Variants in SEPTIN7 observed in about 807,000 individuals in gnomAD.
SEPTIN7 encodes the protein septin-7.
Under a neutral mutation model 63.3 loss-of-function variants are expected in SEPTIN7, and 10 were observed. That is an observed-to-expected ratio of 0.16 (90% confidence interval 0.10 to 0.27). The LOEUF (loss-of-function observed/expected upper bound fraction) is 0.27, where lower values mean the gene tolerates loss of function less well. Ranked by LOEUF, SEPTIN7 falls within the 10% of genes least tolerant of loss-of-function variation. The pLI is 1.00. For synonymous variants in SEPTIN7, 131 were observed against 165.3 expected, an observed-to-expected ratio of 0.79 and a Z score of 1.59; for missense variants, 310 against 521.0, an observed-to-expected ratio of 0.59 and a Z score of 3.94.
chr7:35,820,810 C>T (rs1789366464), intron 1 of SEPTIN7, among the ~76,000 whole-genome samples: 4 of 152,108 alleles, frequency 2.6e-5, no homozygotes, highest in Non-Finnish European at 4.4e-5. Flanking sequence ...TTAAATATTT[C>T]AAATAATACA....
chr7:35,831,424 G>C (rs150323762), intron 1 of SEPTIN7, 68 bp from the exon 2 acceptor site: 16 of 417,680 alleles, frequency 3.8e-5, no homozygotes, highest in African/African-American at 3.0e-4. Context: ...TTTGTTTACT[G>C]TTCCTCTGTG....
intron 5 of SEPTIN7, 114 bp from the exon 6 acceptor site, chr7:35,873,527 T>G: frequency 1.1e-6 from 1 of 933,834 alleles, no homozygotes. Flanking sequence ...TTGACATATC[T>G]TCTACTGGTA....
chr7:35,912,060 C>T (rs1197658408), downstream of SEPTIN7, among the ~76,000 whole-genome samples: 1 of 152,146 alleles, frequency 6.6e-6, no homozygotes, highest in Non-Finnish European at 1.5e-5. Context: ...AGAAGTAGCT[C>T]ACCGTGACAA....
At chr7:35,866,597 TAAAG>T (rs1785818007) in intron 4 of SEPTIN7, among the ~76,000 whole-genome samples, 3 of 152,210 alleles carry the variant, frequency 2.0e-5, no homozygotes, top group Admixed American at 1.3e-4. Context: ...ACTTGTATCT[TAAAG>T]GAGATATTCA....
At chr7:35,882,382 A>T (rs1476508165) in intron 7 of SEPTIN7, 102 bp from the exon 8 acceptor site, 2 of 834,654 alleles carry the variant, frequency 2.4e-6, no homozygotes, top group Non-Finnish European at 3.2e-6. Flanking sequence ...AAGGATCTGG[A>T]ACCAAGGACC....
At chr7:35,825,290 C>T (rs1463986642) in intron 1 of SEPTIN7, among the ~76,000 whole-genome samples, 1 of 152,188 alleles carries the variant, frequency 6.6e-6, no homozygotes, top group African/African-American at 2.4e-5. Flanking sequence ...CCTTCCTCAT[C>T]TGACTTTTGC....
At chr7:35,877,498 A>C (rs1418128366) in intron 6 of SEPTIN7, among the ~76,000 whole-genome samples, 1 of 152,174 alleles carries the variant, frequency 6.6e-6, no homozygotes, top group Non-Finnish European at 1.5e-5. Context: ...AGTCAATTCA[A>C]TTATTAGTAT....
chr7:35,898,750 T>C (rs1788112887), intron 12 of SEPTIN7: 2 of 159,516 alleles, frequency 1.3e-5, no homozygotes, highest in Non-Finnish European at 2.7e-5. Context: ...ACACAAACTG[T>C]GTTAGGATAA....
rs565846537 is a variant in SEPTIN7 at position 35,898,237 on chromosome 7, A to G, written c.999-11A>G. 27 of 1,529,598 alleles carry G rather than the reference A, an allele frequency of 1.8e-5. No individual in the cohort carries two copies. The Admixed American group carries it at 4.3e-4, about 24-fold the overall frequency. The allele number at this position is 1,529,598 out of a possible 1,614,324, so 94.8% of individuals were successfully genotyped here. ...CAGACATTTAATGATTACCCTTAAT[A>G]TTCGTGACAGGAGCCCTCTGGCACA... On this transcript the variant is annotated splice_polypyrimidine_tract_variant and intron_variant, in intron 11 of 13. Transcript: ENST00000350320.
chr7:35,848,715 C>T (rs1310359883), intron 3 of SEPTIN7, among the ~76,000 whole-genome samples: 1 of 152,120 alleles, frequency 6.6e-6, no homozygotes, highest in African/African-American at 2.4e-5. Context: ...CTAGGTCAGG[C>T]AGTATCTTTT....
chr7:35,866,640 G>A (rs969199128), intron 4 of SEPTIN7, among the ~76,000 whole-genome samples: 1 of 152,196 alleles, frequency 6.6e-6, no homozygotes, highest in African/African-American at 2.4e-5. Flanking sequence ...GAAGGAATGG[G>A]AAGCTGTGTA....
intron 1 of SEPTIN7, among the ~76,000 whole-genome samples, chr7:35,811,203 A>G (rs1471728520): frequency 6.6e-6 from 1 of 152,070 alleles, no homozygotes; most frequent in Non-Finnish European, 1.5e-5. Context: ...AGTTCTTTCC[A>G]TTTATATATT....
chr7:35,804,271 T>A (rs1788186545), intron 1 of SEPTIN7, among the ~76,000 whole-genome samples: 1 of 152,188 alleles, frequency 6.6e-6, no homozygotes, highest in Admixed American at 6.5e-5. Flanking sequence ...AAGAAAAGGG[T>A]AGCATTCGGT....
At chr7:35,883,096 T>C (rs1046988623) in intron 8 of SEPTIN7, among the ~76,000 whole-genome samples, 20 of 152,114 alleles carry the variant, frequency 1.3e-4, no homozygotes, top group Non-Finnish European at 2.5e-4. Context: ...TTGATAAATA[T>C]GCTAATTACC....
intron 1 of SEPTIN7, among the ~76,000 whole-genome samples, chr7:35,803,720 T>C (rs1788147909): frequency 6.6e-6 from 1 of 152,240 alleles, no homozygotes; most frequent in Non-Finnish European, 1.5e-5. Context: ...ACAAAACTTT[T>C]TGTATACTTC....
chr7:35,845,726 G>A (rs1784626704), intron 3 of SEPTIN7, among the ~76,000 whole-genome samples: 2 of 152,162 alleles, frequency 1.3e-5, no homozygotes, highest in African/African-American at 4.8e-5. Flanking sequence ...GAATATTAAT[G>A]CTACCCCTTG....
Position 35,904,339 on chromosome 7 carries a change from G to C in SEPTIN7, c.*46G>C. ...TAACGTATTAGTTGCCAATATGCCA[G>C]CTTGGACATCAGTGTTTGTTGGATC... On this transcript the variant is annotated 3_prime_UTR_variant, in exon 14 of 14. Coordinates refer to ENST00000350320, the MANE Select transcript of SEPTIN7 (RefSeq NM_001788.6). The C allele has an allele frequency of 6.8e-7, 1 of 1,469,058 alleles. No individual in the cohort carries two copies. Among genetic ancestry groups the C allele is most frequent in the African/African-American group, 1.4e-5 (1 of 71,082 alleles). The allele number at this position is 1,469,058 out of a possible 1,614,324, so 91.0% of individuals were successfully genotyped here.
rs766017997 is a variant in SEPTIN7, at chr7:35,801,277, C to G, written c.61+7C>G. 5.8e-6 allele frequency: 8 copies of G among 1,375,592 alleles called. No homozygotes were observed. The highest frequency in any genetic ancestry group is 5.6e-6 in the Non-Finnish European group (6 of 1,070,538). The allele number at this position is 1,375,592 out of a possible 1,614,324, so 85.2% of individuals were successfully genotyped here. ...GTCAACAGCAGCACCATGGGTGAGT[C>G]TCAGCTTCGGGTGCCGCGACTTGGG... On this transcript the variant is annotated splice_region_variant and intron_variant, in intron 1 of 13. Transcript: ENST00000350320.
At chr7:35,863,170 C>A (rs1030590492) in intron 3 of SEPTIN7, among the ~76,000 whole-genome samples, 4 of 152,076 alleles carry the variant, frequency 2.6e-5, no homozygotes, top group Admixed American at 6.6e-5. Context: ...TTGTTTTGAT[C>A]ATTCATTATT....
Sources: gnomAD v4.1 joint callset for allele counts (sites outside exome capture counted in the v4.1 genomes callset) on GRCh38, gnomAD v4.1.1 for gene constraint, MANE v1.5 for transcripts, NCBI Gene and HGNC (gene_info 2026-07-23, HGNC 2026-07-21) for gene names.